Variants in AKR1C2 observed in about 807,000 individuals in gnomAD.
AKR1C2 encodes the protein 3-alpha-HSD3.
In AKR1C2, 27 loss-of-function variants were observed where a neutral mutation model predicts 39.8. That is an observed-to-expected ratio of 0.68 (90% CI 0.50 to 0.93). The LOEUF is 0.93. Ranked by LOEUF, AKR1C2 falls within the 40% of genes least tolerant of loss-of-function variation. The probability of loss-of-function intolerance (pLI) is 0.00; values close to 1 mark genes in which losing one functional copy is unlikely to be tolerated. For missense variants in AKR1C2, 263 were observed against 365.1 expected (o/e 0.72, Z 2.28); for synonymous variants, 114 against 137.9 (o/e 0.83, Z 1.22).
At chr10:5,006,279 CAA>C (rs1837400605), upstream of AKR1C2, among the ~76,000 whole-genome samples, 1 of 152,154 alleles carries the variant, frequency 6.6e-6, no homozygotes, top group African/African-American at 2.4e-5. Context: ...AGCATAAAGT[CAA>C]AGAGACTCAG....
At chr10:5,011,250 G>T (rs1468696953) in intron 1 of AKR1C2, among the ~76,000 whole-genome samples, 1 of 152,162 alleles carries the variant, frequency 6.6e-6, no homozygotes, top group Non-Finnish European at 1.5e-5. Flanking sequence ...ACAGGCACTT[G>T]GTATCTGCCC....
chr10:5,000,364 C>A (rs1554773697), intron 3 of AKR1C2, 186 bp downstream of exon 3: 2 of 1,546,106 alleles, frequency 1.3e-6, no homozygotes, highest in East Asian at 4.9e-5. Context: ...GACATGCAAT[C>A]ACGGAAGTAT....
At chr10:5,005,161 T>A (rs1837372742), upstream of AKR1C2, among the ~76,000 whole-genome samples, 1 of 152,104 alleles carries the variant, frequency 6.6e-6, no homozygotes, top group Admixed American at 6.5e-5. Flanking sequence ...TTCATAATAG[T>A]AAGCAATTCA....
chr10:5,015,923 T>A (rs1837630173), intron 1 of AKR1C2: 1 of 152,122 alleles, frequency 6.6e-6, no homozygotes, highest in Admixed American at 6.6e-5. Flanking sequence ...AGCAAGCATA[T>A]ATTCACATTG....
Position 4,994,939 on chromosome 10 carries a change from TAA to T in AKR1C2, c.846+378_846+379del, listed in dbSNP as rs564828960. ...CAAGCACTTCGCAAAGATAAAATTC[TAA>T]GAGAATAAATATAAGGAATTTATAC... On this transcript the variant is annotated intron_variant, in intron 7 of 8. Coordinates refer to ENST00000380753, the MANE Select transcript of AKR1C2 (RefSeq NM_001393392.1). Among the ~76,000 whole-genome samples, 241 of 135,698 alleles carry T rather than the reference TAA, an allele frequency of 1.8e-3. 3 individuals are homozygous for T. The highest frequency in any genetic ancestry group is 3.6e-3 in the Middle Eastern group (1 of 276). The allele number at this position is 135,698 out of a possible 152,430, so 89.0% of individuals were successfully genotyped here. A position where few individuals can be genotyped will look rare whatever the true frequency, so the allele number is the denominator to read the frequency against.
intron 2 of AKR1C2, 96 bp from the exon 3 acceptor site, chr10:5,000,762 A>T (rs1165724338): frequency 1.5e-5 from 17 of 1,152,024 alleles, no homozygotes; most frequent in Non-Finnish European, 2.1e-5. Flanking sequence ...TACTACTTCA[A>T]AACTAATGAC....
chr10:5,008,938 G>C (rs1837463464), upstream of AKR1C2, among the ~76,000 whole-genome samples: 1 of 152,188 alleles, frequency 6.6e-6, no homozygotes, highest in African/African-American at 2.4e-5. Context: ...TGAACAAAAA[G>C]GGGTACACTT....
At chr10:5,007,974 C>G (rs1280424901), upstream of AKR1C2, among the ~76,000 whole-genome samples, 2 of 150,940 alleles carry the variant, frequency 1.3e-5, no homozygotes, top group African/African-American at 4.9e-5. Flanking sequence ...ATTCTTCATT[C>G]TGGGCACACT....
intron 1 of AKR1C2, among the ~76,000 whole-genome samples, chr10:5,014,078 T>A (rs1336286070): frequency 2.0e-5 from 3 of 152,120 alleles, no homozygotes; most frequent in Admixed American, 1.3e-4. Context: ...TTGTAGACAC[T>A]AAACTCTGTT....
At position 4,993,299 on chromosome 10, in the gene AKR1C2, T is replaced by C. The variant is rs1290641960; in HGVS notation, c.847-1386A>G. Among the ~76,000 whole-genome samples, 3 of 152,194 alleles carry C rather than the reference T, an allele frequency of 2.0e-5. No individual in the cohort carries two copies. The East Asian group carries it at 5.8e-4, about 29-fold the overall frequency. ...TAACATTATAGCACAGAAAAGTGAA[T>C]AAGTTAACTGAAGATGGAAGAGAGG... is the stretch of plus-strand genomic sequence containing the variant. On this transcript the variant is annotated intron_variant, in intron 7 of 8. Transcript: ENST00000380753.
At chr10:5,002,364 C>A (rs1421826290) in intron 1 of AKR1C2, among the ~76,000 whole-genome samples, 1 of 152,186 alleles carries the variant, frequency 6.6e-6, no homozygotes, top group Non-Finnish European at 1.5e-5. Flanking sequence ...CAGATGCCAG[C>A]AGGTTTATAT....
intron 7 of AKR1C2, among the ~76,000 whole-genome samples, chr10:4,994,923 C>G (rs151109248): frequency 0.025 from 3,428 of 139,530 alleles, 260 homozygotes; most frequent in Admixed American, 0.13. Context: ...ACAAGCACTT[C>G]GCAAAGATAA....
intron 1 of AKR1C2, among the ~76,000 whole-genome samples, chr10:5,016,898 A>G (rs1173361708): frequency 2.6e-5 from 4 of 152,232 alleles, no homozygotes; most frequent in African/African-American, 9.6e-5. Context: ...GCACAGGCTT[A>G]AAACTACATG....
intron 5 of AKR1C2, chr10:4,997,492 A>G (rs1456151799): frequency 4.2e-6 from 1 of 237,160 alleles, no homozygotes; most frequent in Admixed American, 5.3e-5. Flanking sequence ...GTCAATTGTC[A>G]TCTTTACAAT....
At chr10:5,011,834 C>T (rs369454107) in intron 1 of AKR1C2, among the ~76,000 whole-genome samples, 39 of 152,292 alleles carry the variant, frequency 2.6e-4, no homozygotes, top group African/African-American at 8.4e-4. Context: ...TAGTGAAAAT[C>T]GAAGCGTAAG....
upstream of AKR1C2, among the ~76,000 whole-genome samples, chr10:5,004,999 T>G (rs1837369505): frequency 6.7e-6 from 1 of 149,228 alleles, no homozygotes; most frequent in Non-Finnish European, 1.5e-5. Context: ...AGAAAATACC[T>G]AAAATTGACT....
chr10:4,998,679 C>T lies in AKR1C2; in HGVS notation c.516G>A (p.Leu172=), dbSNP rs1325935753. The T allele has an allele frequency of 1.2e-6, 2 of 1,614,182 alleles. No individual in the cohort carries two copies. Among genetic ancestry groups the T allele is most frequent in the African/African-American group, 1.3e-5 (1 of 75,036 alleles). The stretch of plus-strand genomic sequence containing the variant: ...CTGGCTTGTTGAGGATCATCTCCAG[C>T]AGCCTGTGGTTGAAGTTGGACACCC... ...SIGVSNFNHR[L]LEMILNKPGL... The change falls in exon 5 of 9, where the codon CTG becomes CTA. Residue 172 remains leucine (L), a synonymous_variant. Coordinates refer to ENST00000380753, the MANE Select transcript of AKR1C2 (RefSeq NM_001393392.1).
Position 4,998,622 on chromosome 10 carries a change from C to T in AKR1C2, c.570+3G>A, listed in dbSNP as rs782758878. 2.5e-6 allele frequency: 4 copies of T among 1,614,036 alleles called. No individual in the cohort carries two copies. The Admixed American group carries it at 5.0e-5, about 20-fold the overall frequency. On this transcript the variant is annotated splice_donor_region_variant and intron_variant, in intron 5 of 8. Transcript: ENST00000380753. The stretch of plus-strand genomic sequence containing the variant: ...GAAAGGAGAGGAGGCTGAGGGCGCT[C>T]ACCTGGTTGCAGACAGGCTTGTACT...
chr10:5,015,528 C>A (rs1837619078), intron 1 of AKR1C2, among the ~76,000 whole-genome samples: 1 of 152,090 alleles, frequency 6.6e-6, no homozygotes. Context: ...TTGGTACAGC[C>A]CAATTACATC....
Sources: gnomAD v4.1 joint callset for allele counts (sites outside exome capture counted in the v4.1 genomes callset) on GRCh38, gnomAD v4.1.1 for gene constraint, MANE v1.5 for transcripts, NCBI Gene and HGNC (gene_info 2026-07-23, HGNC 2026-07-21) for gene names.